Variants in SERINC3 observed in about 807,000 individuals in gnomAD.
SERINC3 encodes serine incorporator 3.
In SERINC3, 22 loss-of-function variants were observed where a neutral mutation model predicts 52.1. The ratio of observed to expected loss-of-function variants is 0.42; its 90% confidence interval spans 0.30 to 0.60. SERINC3 has a LOEUF of 0.60. Among genes scored for constraint, SERINC3 ranks in the 20% least tolerant of loss-of-function variants. The pLI is 0.16. For synonymous variants in SERINC3, 226 were observed against 212.7 expected (o/e 1.06, Z -0.54); for missense variants, 564 against 584.6 (o/e 0.96, Z 0.36).
chr20:44,500,278 T>A lies in SERINC3; in HGVS notation c.*18A>T. 6.2e-7 allele frequency: 1 copy of A among 1,607,598 alleles called. No homozygotes were observed. Among genetic ancestry groups the A allele is most frequent in the Non-Finnish European group, 8.5e-7 (1 of 1,176,186 alleles). On this transcript the variant is annotated 3_prime_UTR_variant, in exon 10 of 10. Transcript: ENST00000342374. ...GAGACCTTTGTGAGTTCCAGTGGTGTCCTTGGCACTCAGAGGTTCAGCTGA... is the reference window on the plus strand; with the variant it reads ...GAGACCTTTGTGAGTTCCAGTGGTGACCTTGGCACTCAGAGGTTCAGCTGA...
chr20:44,510,522 A>G (rs1319853476), intron 4 of SERINC3, among the ~76,000 whole-genome samples: 1 of 152,216 alleles, frequency 6.6e-6, no homozygotes, highest in Non-Finnish European at 1.5e-5. Context: ...ACATATTAAT[A>G]ATGAGTTGCA....
chr20:44,496,516 A>G (rs1324690806), downstream of SERINC3, among the ~76,000 whole-genome samples: 1 of 152,212 alleles, frequency 6.6e-6, no homozygotes, highest in Non-Finnish European at 1.5e-5. Context: ...AAAAACAGCC[A>G]GGTGCAGTGG....
intron 7 of SERINC3, 115 bp downstream of exon 7, chr20:44,504,686 A>G (rs2064300267): frequency 2.5e-6 from 2 of 791,990 alleles, no homozygotes; most frequent in Non-Finnish European, 4.1e-6. Flanking sequence ...CTGTACGTTT[A>G]AGTTTTGTTT....
At chr20:44,502,751 T>G (rs917565174) in intron 8 of SERINC3, among the ~76,000 whole-genome samples, 1 of 151,998 alleles carries the variant, frequency 6.6e-6, no homozygotes. Flanking sequence ...GGACTACAGA[T>G]TGCACCACCA....
Position 44,504,106 on chromosome 20 carries a change from C to T in SERINC3, c.875-111G>A. 3 of 844,366 alleles carry T rather than the reference C, an allele frequency of 3.6e-6. No individual in the cohort carries two copies. The South Asian group carries it at 6.3e-5, about 18-fold the overall frequency. 52.3% of individuals were successfully genotyped at this position (844,366 alleles called of 1,614,324 possible). A position where few individuals can be genotyped will look rare whatever the true frequency, so the allele number is the denominator to read the frequency against. On this transcript the variant is annotated intron_variant, in intron 7 of 9. Transcript: ENST00000342374. ...AGTCATGATGTGAAACATGGGAATG[C>T]TTTACTTAAAAAATCTGAAACTTAG...
chr20:44,519,600 G>C (rs1234388647), intron 1 of SERINC3, among the ~76,000 whole-genome samples: 2 of 152,056 alleles, frequency 1.3e-5, no homozygotes, highest in African/African-American at 4.8e-5. Context: ...TTTTGATTTA[G>C]GACCAACAAC....
At chr20:44,502,833 G>A (rs967558294) in intron 8 of SERINC3, among the ~76,000 whole-genome samples, 9 of 151,978 alleles carry the variant, frequency 5.9e-5, no homozygotes, top group African/African-American at 1.9e-4. Flanking sequence ...CTGGATGCAA[G>A]CGATCCTCCC....
downstream of SERINC3, chr20:44,496,345 G>A (rs901816394): frequency 6.6e-6 from 1 of 152,358 alleles, no homozygotes; most frequent in African/African-American, 2.4e-5. Context: ...GGACATCACT[G>A]AGTTGGGTGC....
chr20:44,505,152 A>T (rs1221732814), intron 6 of SERINC3, among the ~76,000 whole-genome samples: 1 of 151,986 alleles, frequency 6.6e-6, no homozygotes, highest in African/African-American at 2.4e-5. Flanking sequence ...TTGATTTTCC[A>T]CTCCCTTGGT....
intron 4 of SERINC3, 40 bp from the exon 5 acceptor site, chr20:44,510,068 A>G: frequency 1.9e-6 from 3 of 1,597,844 alleles, no homozygotes; most frequent in Non-Finnish European, 2.6e-6. Flanking sequence ...TCTACCATAG[A>G]GTAACATTTC....
At position 44,506,584 on chromosome 20, in the gene SERINC3, C is replaced by CAAAAAAAAAAAAAAAA. The variant is rs1191331026; in HGVS notation, c.783+227_783+242dup. 7.0e-4 allele frequency among the ~76,000 whole-genome samples: 10 copies of CAAAAAAAAAAAAAAAA among 14,262 alleles called. 1 individual carries two copies. The highest frequency in any genetic ancestry group is 2.5e-3 in the East Asian group (1 of 404). 9.4% of individuals were successfully genotyped at this position (14,262 alleles called of 152,430 possible). On this transcript the variant is annotated intron_variant, in intron 6 of 9. Coordinates refer to ENST00000342374, the MANE Select transcript of SERINC3 (RefSeq NM_006811.4). ...TGGTTGACAGAGCGAGACTCCATCT[C>CAAAAAAAAAAAAAAAA]AAAAAAAAAAAAAAAAAAAAAAAAA...
At chr20:44,502,123 C>T (rs921668740) in intron 8 of SERINC3, among the ~76,000 whole-genome samples, 3 of 152,150 alleles carry the variant, frequency 2.0e-5, no homozygotes, top group East Asian at 1.9e-4. Context: ...AAAATTCTAG[C>T]CAGAGCAAAT....
chr20:44,506,584 C>CAAAAAAAAAAAAAAAAAA (rs1191331026), intron 6 of SERINC3, among the ~76,000 whole-genome samples: 4 of 14,262 alleles, frequency 2.8e-4, no homozygotes, highest in East Asian at 2.5e-3. Context: ...GACTCCATCT[C>CAAAAAAAAAAAAAAAAAA]AAAAAAAAAA....
At position 44,506,890 on chromosome 20, in the gene SERINC3, G is replaced by C. The variant is rs2064317894; in HGVS notation, c.720C>G (p.Phe240Leu). Residue 240 changes from phenylalanine (F) to leucine (L), a missense_variant, in exon 6 of 10, where the codon TTC becomes TTG. Phe to Leu is a conservative substitution (Grantham distance 22). Transcript: ENST00000342374. ...CGCAAAGGATCAGGTTAATACTGAT[G>C]AAGAACTTGTTTTCTGTGCAGCCAT... is the stretch of plus-strand genomic sequence containing the variant. ...KPDGCTENKFFISINLILCVV... is the reference protein window; with the variant it reads ...KPDGCTENKFLISINLILCVV... 1 of 1,613,620 alleles carries C rather than the reference G, an allele frequency of 6.2e-7. No individual in the cohort carries two copies.
chr20:44,506,933 G>A lies in SERINC3; in HGVS notation c.677C>T (p.Thr226Ile), dbSNP rs761763639. 4.3e-6 allele frequency: 7 copies of A among 1,613,220 alleles called. No individual in the cohort carries two copies. The highest frequency in any genetic ancestry group is 5.9e-6 in the Non-Finnish European group (7 of 1,179,610). Reference protein sequence around the residue: ...LSIICVGLLYTYYTKPDGCTE... With the variant: ...LSIICVGLLYIYYTKPDGCTE... ...GCAGCCATCTGGTTTGGTGTAATAT[G>A]TATAGAGCAGCCCGACACAGATGAT... Residue 226 changes from threonine (T) to isoleucine (I), a missense_variant, in exon 6 of 10, where the codon ACA becomes ATA. Coordinates refer to ENST00000342374, the MANE Select transcript of SERINC3 (RefSeq NM_006811.4).
chr20:44,513,070 G>T, intron 2 of SERINC3, 76 bp from the exon 3 acceptor site: 2 of 1,030,816 alleles, frequency 1.9e-6, no homozygotes, highest in South Asian at 2.1e-5. Context: ...AGGAAAGCCT[G>T]GATTTAGAAA....
Position 44,514,119 on chromosome 20 carries a change from C to A in SERINC3, c.40-79G>T, listed in dbSNP as rs565192826. The stretch of plus-strand genomic sequence containing the variant: ...GACACAGATGTCGCAGAAGAGAAAG[C>A]GAGGCAAATCAGGCTTTATAGTTTT... On this transcript the variant is annotated intron_variant, in intron 1 of 9. Transcript: ENST00000342374. The A allele has an allele frequency of 9.1e-6, 13 of 1,435,432 alleles. No homozygotes were observed. In the African/African-American group the frequency reaches 1.6e-4, roughly 17 times the overall value. The allele number at this position is 1,435,432 out of a possible 1,614,324, so 88.9% of individuals were successfully genotyped here.
rs770010995 is a variant in SERINC3, at chr20:44,512,845, G to C, written c.351C>G (p.Phe117Leu). The change falls in exon 3 of 10, where the codon TTC (phenylalanine) becomes TTG (leucine). Residue 117 changes from phenylalanine (F) to leucine (L), a missense_variant. Phe to Leu is a conservative substitution (Grantham distance 22). Transcript: ENST00000342374. ...GGAGATCTTTACTTGTTTTTACTTT[G>C]AACATGAGCAGAGAAAAGACAAAGA... ...IFFFVFSLLM[F>L]KVKTSKDLRA... is the part of the protein sequence containing the mutation. 2 of 1,576,320 alleles carry C rather than the reference G, an allele frequency of 1.3e-6. No homozygotes were observed. The highest frequency in any genetic ancestry group is 2.0e-5 in the Admixed American group (1 of 49,792).
rs1252842939 is a variant in SERINC3 at position 44,507,642 on chromosome 20, G to A, written c.614-646C>T. On this transcript the variant is annotated intron_variant, in intron 5 of 9. Coordinates refer to ENST00000342374, the MANE Select transcript of SERINC3 (RefSeq NM_006811.4). ...TCCCAGCACTTTGGGAGGCCAAGGTGGCTGGATTGCTTGAGCCTGAGTTCC... is the reference window on the plus strand; with the variant it reads ...TCCCAGCACTTTGGGAGGCCAAGGTAGCTGGATTGCTTGAGCCTGAGTTCC... 2.0e-5 allele frequency among the ~76,000 whole-genome samples: 3 copies of A among 152,176 alleles called. No homozygotes were observed. In the East Asian group the frequency reaches 5.8e-4, roughly 29 times the overall value.
Sources: gnomAD v4.1 joint callset for allele counts (sites outside exome capture counted in the v4.1 genomes callset) on GRCh38, gnomAD v4.1.1 for gene constraint, MANE v1.5 for transcripts, NCBI Gene and HGNC (gene_info 2026-07-23, HGNC 2026-07-21) for gene names.